Variants in CLUAP1 observed in about 807,000 individuals in gnomAD.
CLUAP1 encodes the protein clusterin-associated protein 1.
CLUAP1 carries 50 observed loss-of-function variants against 55.0 expected under a neutral mutation model. The ratio of observed to expected loss-of-function variants is 0.91; its 90% CI spans 0.72 to 1.15. The LOEUF (loss-of-function observed/expected upper bound fraction) is 1.15, where lower values mean the gene tolerates loss of function less well. CLUAP1 is among the 50% of genes most tolerant of loss of function. The pLI, the probability that CLUAP1 is intolerant of heterozygous loss-of-function variation, is 0.00. For synonymous variants in CLUAP1, 195 were observed against 175.4 expected, an observed-to-expected ratio of 1.11 and a Z score of -0.88; for missense variants, 530 against 507.6, an observed-to-expected ratio of 1.04 and a Z score of -0.42.
At chr16:3,517,426 C>G (rs2037750186) in intron 6 of CLUAP1, among the ~76,000 whole-genome samples, 1 of 152,124 alleles carries the variant, frequency 6.6e-6, no homozygotes, top group Non-Finnish European at 1.5e-5. Flanking sequence ...CGTGCCTCAA[C>G]CTCCCAAATA....
rs1437226282 is a variant in CLUAP1 at position 3,538,733 on chromosome 16, G to A, written c.*2462G>A. 1 of 152,208 alleles carries A rather than the reference G, an allele frequency of 6.6e-6. No individual in the cohort carries two copies. Among genetic ancestry groups the A allele is most frequent in the Non-Finnish European group, 1.5e-5 (1 of 68,028 alleles). 9.4% of individuals were successfully genotyped at this position (152,208 alleles called of 1,614,324 possible). The stretch of plus-strand genomic sequence containing the variant: ...CACCATGTATAGCACTGCCTTGCTT[G>A]AGCACGGAAGTTTCTGTCAACAGCA... On this transcript the variant is annotated 3_prime_UTR_variant, in exon 12 of 12. Coordinates refer to ENST00000576634, the MANE Select transcript of CLUAP1 (RefSeq NM_015041.3).
chr16:3,501,155 G>C (rs1596379670), intron 1 of CLUAP1, 66 bp downstream of exon 1: 1 of 1,497,590 alleles, frequency 6.7e-7, no homozygotes, highest in Admixed American at 1.9e-5. Flanking sequence ...CGCCCGCCGG[G>C]TCCCCTGTGT....
intron 10 of CLUAP1, among the ~76,000 whole-genome samples, chr16:3,531,164 A>G (rs1204330567): frequency 6.6e-6 from 1 of 152,022 alleles, no homozygotes; most frequent in Non-Finnish European, 1.5e-5. Context: ...GAGCTGTAGT[A>G]TGTGATGATT....
At chr16:3,528,824 A>T (rs540432900) in intron 9 of CLUAP1, among the ~76,000 whole-genome samples, 7 of 152,046 alleles carry the variant, frequency 4.6e-5, no homozygotes, top group African/African-American at 1.7e-4. Flanking sequence ...CGGTTGTCCT[A>T]TTATCATTTG....
At chr16:3,520,089 C>G in intron 7 of CLUAP1, 53 bp downstream of exon 7, 1 of 1,523,260 alleles carries the variant, frequency 6.6e-7, no homozygotes, top group African/African-American at 1.4e-5. Flanking sequence ...AAAGTTCAAA[C>G]AAACTGGGCG....
chr16:3,501,200 C>CT, intron 1 of CLUAP1, 111 bp downstream of exon 1: 4 of 1,166,658 alleles, frequency 3.4e-6, no homozygotes, highest in Non-Finnish European at 4.9e-6. Flanking sequence ...CCGGAGGCTC[C>CT]TTTCGGGCCT....
At chr16:3,533,754 G>T (rs923806195) in intron 11 of CLUAP1, 1 of 154,170 alleles carries the variant, frequency 6.5e-6, no homozygotes, top group Non-Finnish European at 1.4e-5. Context: ...ACAGGGCACA[G>T]TCTGTAGAGA....
chr16:3,510,602 A>T (rs2037605725), intron 4 of CLUAP1, among the ~76,000 whole-genome samples: 1 of 152,202 alleles, frequency 6.6e-6, no homozygotes, highest in Non-Finnish European at 1.5e-5. Flanking sequence ...TGCAGAGCTC[A>T]TGGGTGTGTT....
At chr16:3,535,295 G>A (rs1372742074) in intron 11 of CLUAP1, 1 of 152,630 alleles carries the variant, frequency 6.6e-6, no homozygotes, top group Admixed American at 6.5e-5. Context: ...TGGACAGTGA[G>A]TTCAACGACT....
chr16:3,519,982 G>GA lies in CLUAP1; in HGVS notation c.663dup (p.Leu222IlefsTer23). The GA allele has an allele frequency of 6.2e-7, 1 of 1,613,714 alleles. No individual in the cohort carries two copies. The highest frequency in any genetic ancestry group is 8.5e-7 in the Non-Finnish European group (1 of 1,179,880). ...AATTTAGAAGCCAAAATCGAAAAGA[G>GA]AAAATTAGAACTGGAAAGAAATCGG... On this transcript the variant is annotated frameshift_variant, in exon 7 of 12. Transcript: ENST00000576634. LOFTEE classifies it high-confidence loss of function.
chr16:3,505,255 G>T (rs961935969), intron 2 of CLUAP1, among the ~76,000 whole-genome samples: 6 of 152,198 alleles, frequency 3.9e-5, no homozygotes, highest in Non-Finnish European at 8.8e-5. Flanking sequence ...ATCAGGCCGG[G>T]CGCAGTGGCT....
In CLUAP1 at chr16:3,536,554, C is replaced by T; in HGVS notation, c.*283C>T. On this transcript the variant is annotated 3_prime_UTR_variant, in exon 12 of 12. Transcript: ENST00000576634. The stretch of plus-strand genomic sequence containing the variant: ...GTGATTCACATCCACGGGACAAAAA[C>T]TCAAGAAGAAATAAGAGCTGACGCC... 3.8e-6 allele frequency: 1 copy of T among 263,936 alleles called. No homozygotes were observed. The highest frequency in any genetic ancestry group is 7.2e-6 in the Non-Finnish European group (1 of 138,964). The allele number at this position is 263,936 out of a possible 1,614,324, so 16.3% of individuals were successfully genotyped here. A position where few individuals can be genotyped will look rare whatever the true frequency, so the allele number is the denominator to read the frequency against.
chr16:3,503,082 C>G lies in CLUAP1; in HGVS notation c.23-1638C>G, dbSNP rs529834636. Among the ~76,000 whole-genome samples the G allele has an allele frequency of 1.2e-4, 18 of 152,256 alleles. No homozygotes were observed. In the South Asian group the frequency reaches 3.5e-3, roughly 30 times the overall value. On this transcript the variant is annotated intron_variant, in intron 1 of 11. Transcript: ENST00000576634. ...CTGCAACCTCTGCCTCCCAGCAATTCTCCTGCCCCAGCCTCCCCAGTAACT... is the reference window on the plus strand; with the variant it reads ...CTGCAACCTCTGCCTCCCAGCAATTGTCCTGCCCCAGCCTCCCCAGTAACT...
At chr16:3,496,281 G>A, upstream of CLUAP1, 3 of 808,786 alleles carry the variant, frequency 3.7e-6, no homozygotes, top group East Asian at 6.9e-5. Flanking sequence ...AACTGAGGCT[G>A]TTTGTTGGTC....
intron 9 of CLUAP1, among the ~76,000 whole-genome samples, chr16:3,527,291 C>T (rs567114404): frequency 9.2e-5 from 14 of 152,224 alleles, no homozygotes; most frequent in Admixed American, 2.0e-4. Context: ...TAATAATCCT[C>T]GCTCTACAAT....
intron 3 of CLUAP1, 22 bp downstream of exon 3, chr16:3,506,437 G>A (rs1300486106): frequency 6.4e-7 from 1 of 1,572,036 alleles, no homozygotes; most frequent in Admixed American, 1.7e-5. Context: ...CTTATTTTGT[G>A]GAGTTGTAAA....
intron 2 of CLUAP1, 101 bp from the exon 3 acceptor site, chr16:3,506,230 C>A: frequency 6.6e-6 from 6 of 913,170 alleles, no homozygotes; most frequent in South Asian, 2.7e-5. Flanking sequence ...ACTTGGAGAG[C>A]GTTGTGTTCC....
intron 4 of CLUAP1, among the ~76,000 whole-genome samples, 199 bp from the exon 5 acceptor site, chr16:3,512,184 C>G (rs1181213579): frequency 1.5e-5 from 2 of 133,592 alleles, no homozygotes; most frequent in African/African-American, 5.9e-5. Flanking sequence ...GAAACTCCGT[C>G]TCAAAAAAAA....
chr16:3,511,055 A>G (rs2037615927), intron 4 of CLUAP1, among the ~76,000 whole-genome samples: 1 of 152,222 alleles, frequency 6.6e-6, no homozygotes, highest in African/African-American at 2.4e-5. Flanking sequence ...TGAGAAGCAG[A>G]GAAGGTGACA....
Sources: allele counts gnomAD v4.1 joint callset (sites outside exome capture counted in the v4.1 genomes callset), GRCh38; gene constraint gnomAD v4.1.1; transcripts MANE v1.5; gene names NCBI Gene and HGNC (gene_info 2026-07-23, HGNC 2026-07-21).